CCNE2: variants seen among roughly 807,000 people sequenced by gnomAD.
The protein encoded by CCNE2 is cyclin E2, also known as G1/S-specific cyclin-E2.
Under a neutral mutation model 56.8 loss-of-function variants are expected in CCNE2, and 18 were observed. The ratio of observed to expected loss-of-function variants is 0.32; its 90% CI spans 0.22 to 0.47. CCNE2 has a LOEUF of 0.47. CCNE2 is among the 20% of genes least tolerant of loss of function. CCNE2 has a pLI of 1.00. For synonymous variants in CCNE2, 139 were observed against 149.2 expected (o/e 0.93, Z 0.50); for missense variants, 371 against 467.1 (o/e 0.79, Z 1.90).
chr8:94,885,408 GTTAC>G, intron 8 of CCNE2, 51 bp downstream of exon 8: 2 of 1,181,972 alleles, frequency 1.7e-6, no homozygotes, highest in Non-Finnish European at 2.5e-6. Context: ...AACTACTTAT[GTTAC>G]TTAGTAACAT....
At chr8:94,891,887 T>C (rs1441464075) in intron 5 of CCNE2, 1 of 1,405,208 alleles carries the variant, frequency 7.1e-7, no homozygotes, top group African/African-American at 1.4e-5. Flanking sequence ...GTAGATTCTC[T>C]GGTCATTGAG....
Position 94,881,601 on chromosome 8 carries a change from G to T in CCNE2, c.*31C>A. 6.2e-7 allele frequency: 1 copy of T among 1,608,652 alleles called. No homozygotes were observed. Among genetic ancestry groups the T allele is most frequent in the Non-Finnish European group, 8.5e-7 (1 of 1,177,768 alleles). ...GATACCAGTTCTACCCAATCTTGGTGAATTCCAACTTGTTTGCTTAGTTAT... is the reference window on the plus strand; with the variant it reads ...GATACCAGTTCTACCCAATCTTGGTTAATTCCAACTTGTTTGCTTAGTTAT... On this transcript the variant is annotated 3_prime_UTR_variant, in exon 12 of 12. Transcript: ENST00000308108.
rs964182767 is a variant in CCNE2, at chr8:94,880,596, T to G, written c.*1036A>C. ...TTCATGTCTTTTTTTAATAAATAGA[T>G]TTCTAGGAGTCAGTATATATTTAAT... On this transcript the variant is annotated 3_prime_UTR_variant, in exon 12 of 12. Coordinates refer to ENST00000308108, the MANE Select transcript of CCNE2 (RefSeq NM_057749.3). 26 of 347,050 alleles carry G rather than the reference T, an allele frequency of 7.5e-5. No individual in the cohort carries two copies. Among genetic ancestry groups the G allele is most frequent in the African/African-American group, 5.2e-4 (25 of 47,718 alleles). The allele number at this position is 347,050 out of a possible 1,614,324, so 21.5% of individuals were successfully genotyped here. A position where few individuals can be genotyped will look rare whatever the true frequency, so the allele number is the denominator to read the frequency against.
intron 9 of CCNE2, among the ~76,000 whole-genome samples, chr8:94,883,369 A>C (rs1049454238): frequency 6.6e-6 from 1 of 152,204 alleles, no homozygotes; most frequent in Non-Finnish European, 1.5e-5. Flanking sequence ...AAGGGCACCT[A>C]ATCCAGATTG....
chr8:94,885,687 T>C, intron 7 of CCNE2, 129 bp from the exon 8 acceptor site: 1 of 496,144 alleles, frequency 2.0e-6, no homozygotes. Context: ...ATTTTCATTT[T>C]CTTGGAGAAA....
chr8:94,883,640 TCTTGA>T (rs764495078), intron 9 of CCNE2: 3 of 243,602 alleles, frequency 1.2e-5, no homozygotes, highest in African/African-American at 4.4e-5. Context: ...ATAGGCTGAT[TCTTGA>T]AGCTACTGGA....
At chr8:94,883,811 A>G (rs544834134) in intron 9 of CCNE2, 144 of 447,420 alleles carry the variant, frequency 3.2e-4, no homozygotes, top group African/African-American at 2.6e-3. Context: ...GGAATGGTAT[A>G]GTGTAAAAGG....
chr8:94,888,149 G>T (rs1586551872), intron 6 of CCNE2, 76 bp from the exon 7 acceptor site: 1 of 1,070,630 alleles, frequency 9.3e-7, no homozygotes, highest in Non-Finnish European at 1.3e-6. Flanking sequence ...TAGCATATCA[G>T]ACTTTAAAAT....
intron 9 of CCNE2, chr8:94,883,689 ATACCT>A (rs1284754109): frequency 5.5e-5 from 13 of 237,942 alleles, no homozygotes; most frequent in African/African-American, 2.0e-4. Flanking sequence ...TTTAAGAAAG[ATACCT>A]TAGAATGCAG....
At position 94,890,577 on chromosome 8, in the gene CCNE2, A is replaced by T. The variant is rs759170273; in HGVS notation, c.318-27T>A. The T allele has an allele frequency of 5.0e-6, 3 of 599,894 alleles. No homozygotes were observed. The South Asian group carries it at 2.2e-4, about 44-fold the overall frequency. The allele number at this position is 599,894 out of a possible 1,614,324, so 37.2% of individuals were successfully genotyped here. A position where few individuals can be genotyped will look rare whatever the true frequency, so the allele number is the denominator to read the frequency against. On this transcript the variant is annotated intron_variant, in intron 5 of 11. Coordinates refer to ENST00000308108, the MANE Select transcript of CCNE2 (RefSeq NM_057749.3). The stretch of plus-strand genomic sequence containing the variant: ...TATGGAAAGAGAGGAAAAAAACCAT[A>T]TATATATATATATATTTTTTTTTTT...
Position 94,894,039 on chromosome 8 carries a change from T to G in CCNE2, c.95A>C (p.Lys32Thr), listed in dbSNP as rs753978168. 1 of 1,613,926 alleles carries G rather than the reference T, an allele frequency of 6.2e-7. No individual in the cohort carries two copies. The highest frequency in any genetic ancestry group is 1.1e-5 in the South Asian group (1 of 91,060). Residue 32 changes from lysine to threonine, a missense_variant, in exon 3 of 12, where the codon AAG (lysine) becomes ACG (threonine). By Grantham distance (78) the Lys-to-Thr change is moderately conservative (BLOSUM62 -1). Transcript: ENST00000308108. Reference sequence around the variant, plus strand: ...TTAAATCACCTGGGTAGTTTTCCTCTTCTTGGCCTGGATTATCTGGGCTTC... The same window carrying G: ...TTAAATCACCTGGGTAGTTTTCCTCGTCTTGGCCTGGATTATCTGGGCTTC... ...PQEAQIIQAK[K>T]RKTTQDVKKR...
upstream of CCNE2, chr8:94,895,669 C>G (rs1490607658): frequency 6.6e-6 from 1 of 152,252 alleles, no homozygotes; most frequent in East Asian, 1.9e-4. Flanking sequence ...CTCAGGGAAC[C>G]CAGGTCTTTC....
chr8:94,887,848 G>A, intron 7 of CCNE2, 79 bp downstream of exon 7: 1 of 927,266 alleles, frequency 1.1e-6, no homozygotes, highest in Non-Finnish European at 1.6e-6. Context: ...ATAAAACATA[G>A]TATTCTTTGG....
At chr8:94,887,181 C>A (rs765694911) in intron 7 of CCNE2, among the ~76,000 whole-genome samples, 15 of 152,242 alleles carry the variant, frequency 9.9e-5, no homozygotes, top group African/African-American at 9.6e-5. Flanking sequence ...AAAGGAGGTG[C>A]CTTCTATCAG....
chr8:94,890,001 T>C (rs553275793), intron 6 of CCNE2, among the ~76,000 whole-genome samples: 66 of 152,334 alleles, frequency 4.3e-4, no homozygotes, highest in South Asian at 2.1e-4. Context: ...GTTTAGGATA[T>C]AGAAATCAGG....
intron 1 of CCNE2, 42 bp from the exon 2 acceptor site, chr8:94,894,289 A>T: frequency 1.3e-6 from 2 of 1,597,502 alleles, no homozygotes; most frequent in Non-Finnish European, 1.7e-6. Flanking sequence ...GTACATTGTC[A>T]TTCACATTCT....
In CCNE2 at chr8:94,880,481, G is replaced by C; in HGVS notation, c.*1151C>G. The C allele has an allele frequency of 3.2e-6, 1 of 312,076 alleles. No individual in the cohort carries two copies. The highest frequency in any genetic ancestry group is 5.7e-6 in the Non-Finnish European group (1 of 173,928). The allele number at this position is 312,076 out of a possible 1,614,324, so 19.3% of individuals were successfully genotyped here. A position where few individuals can be genotyped will look rare whatever the true frequency, so the allele number is the denominator to read the frequency against. ...GATAACAAAATAAACTAGCAATCTAGTTTTCTAATCTACTTTATGAGGCTG... is the reference window on the plus strand; with the variant it reads ...GATAACAAAATAAACTAGCAATCTACTTTTCTAATCTACTTTATGAGGCTG... On this transcript the variant is annotated 3_prime_UTR_variant, in exon 12 of 12. Transcript: ENST00000308108.
At position 94,881,458 on chromosome 8, in the gene CCNE2, T is replaced by C. The variant is rs1172861125; in HGVS notation, c.*174A>G. The C allele has an allele frequency of 8.3e-6, 5 of 599,676 alleles. No individual in the cohort carries two copies. The African/African-American group carries it at 9.4e-5, about 11-fold the overall frequency. The allele number at this position is 599,676 out of a possible 1,614,324, so 37.1% of individuals were successfully genotyped here. A position where few individuals can be genotyped will look rare whatever the true frequency, so the allele number is the denominator to read the frequency against. On this transcript the variant is annotated 3_prime_UTR_variant, in exon 12 of 12. Transcript: ENST00000308108. ...CTTTAACAGCTAACATAGGAAATAA[T>C]TAAATGTATTCTTTAGTGCCAATTG...
chr8:94,883,987 A>G (rs1332043480), intron 9 of CCNE2: 3 of 443,386 alleles, frequency 6.8e-6, no homozygotes, highest in African/African-American at 6.0e-5. Flanking sequence ...TTATCGGCTT[A>G]TCAAAGATTT....
Sources: allele counts gnomAD v4.1 joint callset (sites outside exome capture counted in the v4.1 genomes callset), GRCh38; gene constraint gnomAD v4.1.1; transcripts MANE v1.5; gene names NCBI Gene and HGNC (gene_info 2026-07-23, HGNC 2026-07-21).